The following AFF3 variants were observed in gnomAD, a reference collection of about 807,000 sequenced individuals.
The protein encoded by AFF3 is AF4/FMR2 family member 3.
Under a neutral mutation model 129.7 loss-of-function variants are expected in AFF3, and 32 were observed. The observed-to-expected ratio is 0.25, with a 90% confidence interval of 0.19 to 0.33. AFF3 has a LOEUF of 0.33. Among genes scored for constraint, AFF3 ranks in the 10% least tolerant of loss-of-function variants. The probability of loss-of-function intolerance (pLI) is 1.00; values close to 1 mark genes in which losing one functional copy is unlikely to be tolerated. For synonymous variants in AFF3, 644 were observed against 635.4 expected, an observed-to-expected ratio of 1.01 and a Z score of -0.20; for missense variants, 1,373 against 1,592.0, an observed-to-expected ratio of 0.86 and a Z score of 2.34.
chr2:99,805,998 T>C (rs1051617251), intron 8 of AFF3, among the ~76,000 whole-genome samples: 1 of 152,096 alleles, frequency 6.6e-6, no homozygotes, highest in African/African-American at 2.4e-5. Context: ...GACAACTTAT[T>C]CTTGGACAAA....
At chr2:100,134,610 C>A (rs989996865) in intron 1 of AFF3, among the ~76,000 whole-genome samples, 2 of 152,138 alleles carry the variant, frequency 1.3e-5, no homozygotes, top group African/African-American at 4.8e-5. Flanking sequence ...TTTTCCCTAG[C>A]AATTTTACAG....
chr2:99,815,100 G>A (rs1687116786), intron 8 of AFF3, among the ~76,000 whole-genome samples: 1 of 150,882 alleles, frequency 6.6e-6, no homozygotes, highest in South Asian at 2.1e-4. Flanking sequence ...GAAACACCAT[G>A]GAAGCTATGA....
chr2:100,069,225 G>A (rs1479691814), intron 4 of AFF3, among the ~76,000 whole-genome samples: 2 of 152,080 alleles, frequency 1.3e-5, no homozygotes, highest in Non-Finnish European at 2.9e-5. Context: ...TGCCACCCAA[G>A]TGTGACCTCC....
chr2:100,062,377 C>T (rs1687363005), intron 4 of AFF3, among the ~76,000 whole-genome samples: 1 of 152,090 alleles, frequency 6.6e-6, no homozygotes, highest in Admixed American at 6.5e-5. Context: ...TGAATGAAAA[C>T]CAATTATTAT....
chr2:99,686,031 A>G (rs186469345), intron 11 of AFF3, among the ~76,000 whole-genome samples: 1 of 152,254 alleles, frequency 6.6e-6, no homozygotes, highest in East Asian at 1.9e-4. Flanking sequence ...CACTAAAAAT[A>G]CAAAAAAAAT....
intron 11 of AFF3, among the ~76,000 whole-genome samples, chr2:99,710,187 A>AT (rs1677769124): frequency 6.6e-6 from 1 of 152,214 alleles, no homozygotes; most frequent in Admixed American, 6.5e-5. Context: ...TCCCTGCAGA[A>AT]TTGTTACACT....
At chr2:100,117,107 G>A (rs1427136132) in intron 2 of AFF3, among the ~76,000 whole-genome samples, 1 of 152,048 alleles carries the variant, frequency 6.6e-6, no homozygotes, top group Non-Finnish European at 1.5e-5. Flanking sequence ...ATGTACCTAG[G>A]TGTGGATTTC....
intron 9 of AFF3, among the ~76,000 whole-genome samples, chr2:99,745,565 G>A (rs1177132898): frequency 6.6e-6 from 1 of 152,050 alleles, no homozygotes; most frequent in Admixed American, 6.6e-5. Context: ...TTATCATATT[G>A]ACTTTTAATC....
chr2:99,646,524 C>G (rs1321831378), intron 13 of AFF3, among the ~76,000 whole-genome samples: 1 of 152,058 alleles, frequency 6.6e-6, no homozygotes, highest in Non-Finnish European at 1.5e-5. Context: ...TTTAGGGAAC[C>G]AGGATGGTTT....
intron 7 of AFF3, among the ~76,000 whole-genome samples, chr2:99,927,129 CT>C (rs1435632314): frequency 2.0e-5 from 3 of 152,198 alleles, no homozygotes; most frequent in African/African-American, 7.2e-5. Context: ...CATCATGCCC[CT>C]ACTTGCACAA....
chr2:99,677,208 T>C lies in AFF3; in HGVS notation c.1092-4619A>G, dbSNP rs921397647. On this transcript the variant is annotated intron_variant, in intron 11 of 24. Transcript: ENST00000672756. ...TCACCTGAGCCCTGGAGGTCAAGGC[T>C]AGAGTGAGCCGAGGTTGTACCACTG... 6.3e-5 allele frequency among the ~76,000 whole-genome samples: 9 copies of C among 143,154 alleles called. No homozygotes were observed. In the Admixed American group the frequency reaches 6.7e-4, roughly 11 times the overall value. The allele number at this position is 143,154 out of a possible 152,430, so 93.9% of individuals were successfully genotyped here.
chr2:99,927,509 T>C (rs771513646), intron 7 of AFF3, among the ~76,000 whole-genome samples: 2 of 152,008 alleles, frequency 1.3e-5, no homozygotes, highest in Admixed American at 6.6e-5. Flanking sequence ...TTCTAACTTA[T>C]AAGTGGGAGC....
At chr2:99,855,226 T>C (rs1366567047) in intron 7 of AFF3, among the ~76,000 whole-genome samples, 2 of 152,170 alleles carry the variant, frequency 1.3e-5, no homozygotes, top group Non-Finnish European at 2.9e-5. Flanking sequence ...GATGGAAATG[T>C]TTGAAAATTG....
chr2:99,915,812 A>C (rs1224308563), intron 7 of AFF3, among the ~76,000 whole-genome samples: 1 of 152,194 alleles, frequency 6.6e-6, no homozygotes, highest in African/African-American at 2.4e-5. Context: ...GGATTTAAAT[A>C]TCTTTTTCAA....
chr2:99,950,154 G>A (rs1396391015), intron 7 of AFF3, among the ~76,000 whole-genome samples: 5 of 152,130 alleles, frequency 3.3e-5, no homozygotes, highest in Admixed American at 1.3e-4. Context: ...TAAATCTTAC[G>A]TACATGTGCC....
intron 8 of AFF3, among the ~76,000 whole-genome samples, chr2:99,755,247 C>A (rs1379773947): frequency 6.6e-6 from 1 of 152,004 alleles, no homozygotes; most frequent in Admixed American, 6.6e-5. Flanking sequence ...CTCCTGCCCT[C>A]CCTACCTTCA....
At chr2:99,781,321 C>T (rs1344205719) in intron 8 of AFF3, among the ~76,000 whole-genome samples, 2 of 152,162 alleles carry the variant, frequency 1.3e-5, no homozygotes, top group African/African-American at 2.4e-5. Context: ...CCTCACCTTG[C>T]CTTATTTTTC....
intron 14 of AFF3, among the ~76,000 whole-genome samples, chr2:99,597,854 T>A (rs925682212): frequency 2.0e-5 from 3 of 152,204 alleles, no homozygotes; most frequent in African/African-American, 7.2e-5. Context: ...TCCTCCCTAA[T>A]TGATCTTCCC....
chr2:100,018,229 C>G (rs1174038364), intron 4 of AFF3, among the ~76,000 whole-genome samples: 2 of 152,108 alleles, frequency 1.3e-5, no homozygotes, highest in Non-Finnish European at 2.9e-5. Flanking sequence ...ATTCTGCATA[C>G]TGAATTCCTT....
Sources: gnomAD v4.1 joint callset for allele counts (sites outside exome capture counted in the v4.1 genomes callset) on GRCh38, gnomAD v4.1.1 for gene constraint, MANE v1.5 for transcripts, NCBI Gene and HGNC (gene_info 2026-07-23, HGNC 2026-07-21) for gene names.